Variants in TEX11 observed in about 807,000 individuals in gnomAD.
TEX11 encodes testis expressed 11.
Under a neutral mutation model 84.4 loss-of-function variants are expected in TEX11, and 7 were observed. That is an observed-to-expected ratio of 0.08 (90% CI 0.05 to 0.16). The LOEUF is 0.16. Ranked by LOEUF, TEX11 falls within the 10% of genes least tolerant of loss-of-function variation. TEX11 has a pLI of 1.00. For synonymous variants in TEX11, 264 were observed against 222.8 expected (o/e 1.18, Z -1.64); for missense variants, 551 against 660.5 (o/e 0.83, Z 1.82).
intron 9 of TEX11, among the ~76,000 whole-genome samples, chrX:70,784,495 G>T (rs901970667): frequency 2.7e-5 from 3 of 111,558 alleles, no homozygotes; most frequent in African/African-American, 9.8e-5. Context: ...TTAGGCAGGA[G>T]AAAGAAATAA....
At chrX:70,597,796 G>C (rs750316735) in intron 24 of TEX11, among the ~76,000 whole-genome samples, 68 of 112,149 alleles carry the variant, frequency 6.1e-4, no homozygotes, top group Non-Finnish European at 9.8e-4. Flanking sequence ...AGCAAGAAAT[G>C]GAAAAGACAA....
chrX:70,519,607 A>T, the TEX11 span, among the ~76,000 whole-genome samples: 5 of 111,427 alleles, frequency 4.5e-5, no homozygotes, highest in Admixed American at 3.8e-4. Context: ...TTGCTCTTCT[A>T]GAGGAGTATC....
downstream of TEX11, among the ~76,000 whole-genome samples, chrX:70,524,234 G>C (rs997277281): frequency 2.7e-5 from 3 of 112,236 alleles, no homozygotes; most frequent in African/African-American, 6.5e-5. Flanking sequence ...GGAGAGACTT[G>C]GTCCTCTATT....
intron 16 of TEX11, among the ~76,000 whole-genome samples, chrX:70,664,894 G>T (rs1193540080): frequency 9.8e-6 from 1 of 102,309 alleles, no homozygotes; most frequent in Non-Finnish European, 2.0e-5. Context: ...TCAAGCACAA[G>T]CTGATGAAGT....
downstream of TEX11, among the ~76,000 whole-genome samples, chrX:70,525,439 T>G (rs1015417862): frequency 9.1e-6 from 1 of 109,689 alleles, no homozygotes. Flanking sequence ...ATAGAAAAAT[T>G]AGCCGAGTGT....
intron 7 of TEX11, among the ~76,000 whole-genome samples, chrX:70,842,062 G>A (rs753936269): frequency 1.8e-4 from 20 of 110,749 alleles, no homozygotes; most frequent in East Asian, 1.4e-3. Flanking sequence ...ACAAGGAGGA[G>A]CTGGTACCAT....
chrX:70,886,083 C>T (rs986881228), intron 2 of TEX11, among the ~76,000 whole-genome samples: 2 of 110,878 alleles, frequency 1.8e-5, no homozygotes, highest in Non-Finnish European at 3.8e-5. Flanking sequence ...AGCAATTACA[C>T]TTCTGGGTAT....
chrX:70,842,984 A>G (rs968593499), intron 7 of TEX11, among the ~76,000 whole-genome samples: 1 of 112,064 alleles, frequency 8.9e-6, no homozygotes, highest in African/African-American at 3.2e-5. Context: ...AAAAGAGGAT[A>G]CAAACAAATG....
intron 13 of TEX11, among the ~76,000 whole-genome samples, chrX:70,715,409 C>G (rs1047345737): frequency 8.9e-6 from 1 of 111,896 alleles, no homozygotes; most frequent in Admixed American, 9.5e-5. Context: ...TCCATTCTCC[C>G]CGTCACTTTC....
chrX:70,599,734 T>G (rs1237625678), intron 24 of TEX11, among the ~76,000 whole-genome samples: 3 of 97,719 alleles, frequency 3.1e-5, no homozygotes, highest in African/African-American at 1.1e-4. Context: ...GTGATCTCAT[T>G]GTTCAATACC....
At chrX:70,720,244 T>C (rs1454349118) in intron 13 of TEX11, among the ~76,000 whole-genome samples, 1 of 111,052 alleles carries the variant, frequency 9.0e-6, no homozygotes, top group African/African-American at 3.3e-5. Flanking sequence ...CTGGAAACCA[T>C]CATTCTCAGC....
At chrX:70,758,873 G>C (rs1050619728) in intron 9 of TEX11, among the ~76,000 whole-genome samples, 1 of 111,250 alleles carries the variant, frequency 9.0e-6, no homozygotes, top group African/African-American at 3.3e-5. Flanking sequence ...CTGCTAGCAA[G>C]ACTAATAAAG....
rs147440279 is a variant in TEX11, at chrX:70,759,185, A to G, written c.693-14966T>C. 8.4e-3 allele frequency among the ~76,000 whole-genome samples: 938 copies of G among 111,767 alleles called. 10 individuals carry two copies. Among genetic ancestry groups the G allele is most frequent in the African/African-American group, 0.029 (878 of 30,728 alleles). On this transcript the variant is annotated intron_variant, in intron 9 of 29. Transcript: ENST00000374333. ...CGGACTCACAGCCAAATTCTATCAG[A>G]GGTACAAAGAGGAGCTGGTACCATT...
chrX:70,570,039 C>T (rs1038916903), intron 25 of TEX11, among the ~76,000 whole-genome samples: 3 of 112,042 alleles, frequency 2.7e-5, no homozygotes, highest in Non-Finnish European at 3.8e-5. Context: ...CAGGCTTCCT[C>T]GAGCTGTGGT....
chrX:70,514,941 G>A, the TEX11 span, among the ~76,000 whole-genome samples: 26 of 109,189 alleles, frequency 2.4e-4, no homozygotes, highest in African/African-American at 8.7e-4. Flanking sequence ...GGTGGGACGC[G>A]CCTGTAATCC....
At chrX:70,794,730 G>A (rs1425751315) in intron 9 of TEX11, among the ~76,000 whole-genome samples, 2 of 110,053 alleles carry the variant, frequency 1.8e-5, no homozygotes, top group African/African-American at 6.6e-5. Context: ...GCCAGAAGGG[G>A]ATCTGCTGCC....
At chrX:70,517,899 T>G in the TEX11 span, among the ~76,000 whole-genome samples, 107 of 111,281 alleles carry the variant, frequency 9.6e-4, no homozygotes, top group African/African-American at 3.4e-3. Context: ...ATTTTCTAGT[T>G]TATTTGCGTA....
intron 15 of TEX11, among the ~76,000 whole-genome samples, chrX:70,671,910 T>C (rs1325088): frequency 0.051 from 3,475 of 67,768 alleles, 235 homozygotes; most frequent in African/African-American, 0.16. Flanking sequence ...TATATATATA[T>C]ACACACACAC....
At chrX:70,763,419 ATGATGGACTT>A (rs2090921124) in intron 9 of TEX11, among the ~76,000 whole-genome samples, 1 of 110,850 alleles carries the variant, frequency 9.0e-6, no homozygotes, top group Non-Finnish European at 1.9e-5. Context: ...TAAGAATGAT[ATGATGGACTT>A]TGGGGACTCA....
Sources: allele counts gnomAD v4.1 joint callset (sites outside exome capture counted in the v4.1 genomes callset), GRCh38; gene constraint gnomAD v4.1.1; transcripts MANE v1.5; gene names NCBI Gene and HGNC (gene_info 2026-07-23, HGNC 2026-07-21).